AZU1: variants seen among roughly 807,000 people sequenced by gnomAD.
AZU1 encodes azurocidin 1.
A neutral mutation model predicts 17.8 loss-of-function variants in AZU1; 21 were observed. The ratio of observed to expected loss-of-function variants is 1.18; its 90% CI spans 0.84 to 1.70. AZU1 has a LOEUF of 1.70. Among genes scored for constraint, AZU1 ranks in the 40% most tolerant of loss-of-function variants. AZU1 has a pLI of 0.00. For missense variants in AZU1, 379 were observed against 362.9 expected (o/e 1.04, Z -0.36); for synonymous variants, 178 against 155.2 (o/e 1.15, Z -1.09).
In AZU1 at chr19:828,220, C is replaced by A. The variant is rs1388520037; in HGVS notation, c.59-10C>A. Reference sequence around the variant, plus strand: ...CTTGGGGATCTCAGAGCTGTCTCCCCCCGACCCAGGCTCCAGCCCCCTTTT... The same window carrying A: ...CTTGGGGATCTCAGAGCTGTCTCCCACCGACCCAGGCTCCAGCCCCCTTTT... On this transcript the variant is annotated splice_polypyrimidine_tract_variant and intron_variant, in intron 1 of 4. Coordinates refer to ENST00000233997, the MANE Select transcript of AZU1 (RefSeq NM_001700.5). 6.3e-7 allele frequency: 1 copy of A among 1,592,196 alleles called. No individual in the cohort carries two copies.
Position 830,788 on chromosome 19 carries a change from C to T in AZU1, c.441C>T (p.Thr147=). The change falls in exon 4 of 5, where the codon ACC becomes ACT. Residue 147 remains threonine (T), a synonymous_variant. Transcript: ENST00000233997. ...AGAACGCCACGGTGGAAGCCGGCAC[C>T]AGATGCCAGGTGGCCGGCTGGGGGA... ...PLQNATVEAG[T]RCQVAGWGSQ... The T allele has an allele frequency of 6.2e-7, 1 of 1,605,984 alleles. No individual in the cohort carries two copies. The highest frequency in any genetic ancestry group is 8.5e-7 in the Non-Finnish European group (1 of 1,179,880).
chr19:831,757 C>T lies in AZU1; in HGVS notation c.636C>T (p.His212=), dbSNP rs752690377. The change falls in exon 5 of 5, where the codon CAC becomes CAT. Residue 212 remains histidine (H), a synonymous_variant. Coordinates refer to ENST00000233997, the MANE Select transcript of AZU1 (RefSeq NM_001700.5). The part of the protein sequence containing the change: ...GTPLVCEGLA[H]GVASFSLGPC... ...CCCTCGTCTGCGAGGGCCTGGCCCACGGCGTGGCCTCCTTTTCCCTGGGGC... is the reference window on the plus strand; with the variant it reads ...CCCTCGTCTGCGAGGGCCTGGCCCATGGCGTGGCCTCCTTTTCCCTGGGGC... The T allele has an allele frequency of 1.7e-5, 27 of 1,612,026 alleles. No individual in the cohort carries two copies. The highest frequency in any genetic ancestry group is 8.9e-5 in the East Asian group (4 of 44,856).
At position 828,297 on chromosome 19, in the gene AZU1, C is replaced by T; in HGVS notation, c.126C>T (p.Ala42=). ...KARPRQFPFL[A]SIQNQGRHFC... Reference sequence around the variant, plus strand: ...GGCCCCGCCAGTTCCCGTTCCTGGCCTCCATTCAGAATCAAGGCAGGCACT... The same window carrying T: ...GGCCCCGCCAGTTCCCGTTCCTGGCTTCCATTCAGAATCAAGGCAGGCACT... Residue 42 remains alanine (A), a synonymous_variant, in exon 2 of 5, where the codon GCC becomes GCT. Coordinates refer to ENST00000233997, the MANE Select transcript of AZU1 (RefSeq NM_001700.5). 1 of 1,611,768 alleles carries T rather than the reference C, an allele frequency of 6.2e-7. No individual in the cohort carries two copies. Among genetic ancestry groups the T allele is most frequent in the Middle Eastern group, 1.7e-4 (1 of 6,054 alleles).
rs201350539 is a variant in AZU1 at position 831,883 on chromosome 19, C to T, written c.*6C>T. On this transcript the variant is annotated 3_prime_UTR_variant, in exon 5 of 5. Coordinates refer to ENST00000233997, the MANE Select transcript of AZU1 (RefSeq NM_001700.5). ...CGGGACCGGGGCCAGCCTAGGGGGG[C>T]CTGTGACCTCCCATGGAGCCCAGCC... 244 of 1,609,252 alleles carry T rather than the reference C, an allele frequency of 1.5e-4. No homozygotes were observed. Among genetic ancestry groups the T allele is most frequent in the Admixed American group, 8.4e-5 (5 of 59,648 alleles).
chr19:831,818 GCGC>G lies in AZU1; in HGVS notation c.698_700del (p.Ala233_Leu234delinsVal). On this transcript the variant is annotated inframe_deletion, in exon 5 of 5. Coordinates refer to ENST00000233997, the MANE Select transcript of AZU1 (RefSeq NM_001700.5). ...AGGCCCTGACTTCTTCACCCGAGTG[GCGC>G]TCTTCCGAGACTGGATCGATGGTGT... 1 of 1,612,678 alleles carries G rather than the reference GCGC, an allele frequency of 6.2e-7. No individual in the cohort carries two copies.
chr19:831,922 C>T lies in AZU1; in HGVS notation c.*45C>T, dbSNP rs757878273. The T allele has an allele frequency of 1.7e-5, 26 of 1,573,760 alleles. No individual in the cohort carries two copies. Among genetic ancestry groups the T allele is most frequent in the Non-Finnish European group, 2.2e-5 (26 of 1,156,092 alleles). ...TGGAGCCCAGCCCCGCCCTCCACAC[C>T]TCCGGCGCTCCGCACCCACCTCCCA... On this transcript the variant is annotated 3_prime_UTR_variant, in exon 5 of 5. Coordinates refer to ENST00000233997, the MANE Select transcript of AZU1 (RefSeq NM_001700.5).
intron 4 of AZU1, chr19:831,228 G>GCC (rs2145103094): frequency 2.4e-6 from 1 of 424,834 alleles, no homozygotes; most frequent in East Asian, 4.1e-5. Context: ...TTACAGGCAT[G>GCC]CGCCACCACG....
intron 3 of AZU1, 77 bp downstream of exon 3, chr19:829,783 T>A: frequency 6.5e-7 from 1 of 1,548,248 alleles, no homozygotes; most frequent in South Asian, 1.2e-5. Flanking sequence ...CCAAACTTGG[T>A]CTCTACAAAA....
At chr19:831,247 A>C in intron 4 of AZU1, 1 of 380,956 alleles carries the variant, frequency 2.6e-6, no homozygotes, top group Non-Finnish European at 4.7e-6. Context: ...CGCCCGGCTA[A>C]TTTTGTATTT....
At chr19:828,503 G>C in intron 2 of AZU1, 117 bp downstream of exon 2, 1 of 1,123,206 alleles carries the variant, frequency 8.9e-7, no homozygotes, top group Non-Finnish European at 1.2e-6. Context: ...ATTGCAAAAG[G>C]AGGGGCTCAG....
rs572420584 is a variant in AZU1, at chr19:827,924, G to A, written c.58+20G>A. ...GGGCCGGTGAGTGCCTCTCTGTGCC[G>A]GTGGTCCCCCATCTGTGCTAGGGCC... On this transcript the variant is annotated intron_variant, in intron 1 of 4. Transcript: ENST00000233997. The A allele has an allele frequency of 4.3e-5, 66 of 1,536,646 alleles. No individual in the cohort carries two copies. The highest frequency in any genetic ancestry group is 3.9e-4 in the Admixed American group (20 of 51,048).
chr19:831,672 G>A (rs760829690), intron 4 of AZU1, 44 bp from the exon 5 acceptor site: 23 of 1,533,456 alleles, frequency 1.5e-5, no homozygotes, highest in African/African-American at 2.8e-5. Flanking sequence ...GGTGGCGTGG[G>A]AGCCAGGCCC....
At chr19:828,103 A>G in intron 1 of AZU1, 127 bp from the exon 2 acceptor site, 6 of 1,326,360 alleles carry the variant, frequency 4.5e-6, no homozygotes, top group Non-Finnish European at 6.2e-6. Flanking sequence ...AGGGAGTGGG[A>G]CGATGGGGGA....
chr19:828,348 C>T lies in AZU1; in HGVS notation c.177C>T (p.Ala59=), dbSNP rs1288067058. Residue 59 remains alanine, a synonymous_variant, in exon 2 of 5, where the codon GCC becomes GCT. Coordinates refer to ENST00000233997, the MANE Select transcript of AZU1 (RefSeq NM_001700.5). ...TCTGCGGGGGTGCCCTGATCCATGC[C>T]CGCTTCGTGATGACCGCGGCCAGCT... ...RHFCGGALIH[A]RFVMTAASCF... 6.2e-7 allele frequency: 1 copy of T among 1,601,066 alleles called. No individual in the cohort carries two copies. The highest frequency in any genetic ancestry group is 1.1e-5 in the South Asian group (1 of 90,252).
intron 3 of AZU1, 128 bp from the exon 4 acceptor site, chr19:830,580 C>T (rs2145101519): frequency 1.2e-6 from 1 of 837,776 alleles, no homozygotes; most frequent in Non-Finnish European, 1.8e-6. Flanking sequence ...GCACCCGGCC[C>T]CTGCCGGGAA....
rs773136690 is a variant in AZU1, at chr19:830,781, C to T, written c.434C>T (p.Ala145Val). Residue 145 changes from alanine to valine, a missense_variant, in exon 4 of 5, where the codon GCC becomes GTC. Ala to Val is a moderately conservative substitution (Grantham distance 64). Transcript: ENST00000233997. ...PLPLQNATVEAGTRCQVAGWG... is the reference protein window; with the variant it reads ...PLPLQNATVEVGTRCQVAGWG... Reference sequence around the variant, plus strand: ...CCTCTGCAGAACGCCACGGTGGAAGCCGGCACCAGATGCCAGGTGGCCGGC... The same window carrying T: ...CCTCTGCAGAACGCCACGGTGGAAGTCGGCACCAGATGCCAGGTGGCCGGC... The T allele has an allele frequency of 1.7e-5, 27 of 1,605,228 alleles. No individual in the cohort carries two copies. Among genetic ancestry groups the T allele is most frequent in the Non-Finnish European group, 2.1e-5 (25 of 1,179,776 alleles).
In AZU1 at chr19:828,255, T is replaced by A. The variant is rs1186330357; in HGVS notation, c.84T>A (p.Val28=). The A allele has an allele frequency of 6.2e-7, 1 of 1,608,088 alleles. No individual in the cohort carries two copies. The highest frequency in any genetic ancestry group is 1.7e-5 in the Admixed American group (1 of 58,792). ...RAGSSPLLDI[V]GGRKARPRQF... ...GCTCCAGCCCCCTTTTGGACATCGT[T>A]GGCGGCCGGAAGGCGAGGCCCCGCC... Residue 28 remains valine (V), a synonymous_variant, in exon 2 of 5, where the codon GTT becomes GTA. Transcript: ENST00000233997.
intron 4 of AZU1, chr19:831,479 G>T: frequency 1.9e-6 from 1 of 539,720 alleles, no homozygotes; most frequent in Non-Finnish European, 3.3e-6. Flanking sequence ...ACTCAGGCGT[G>T]TGATTGCCAG....
chr19:830,500 G>A (rs1488395632), intron 3 of AZU1, among the ~76,000 whole-genome samples: 1 of 152,102 alleles, frequency 6.6e-6, no homozygotes, highest in Non-Finnish European at 1.5e-5. Context: ...GTTTGGTCTC[G>A]AACTCCTGGC....
Sources: allele counts gnomAD v4.1 joint callset (sites outside exome capture counted in the v4.1 genomes callset), GRCh38; gene constraint gnomAD v4.1.1; transcripts MANE v1.5; gene names NCBI Gene and HGNC (gene_info 2026-07-23, HGNC 2026-07-21).